Variants in MTHFD2L observed in about 807,000 individuals in gnomAD.
The protein encoded by MTHFD2L is methylenetetrahydrofolate dehydrogenase (NADP+ dependent) 2 like, also known as bifunctional methylenetetrahydrofolate dehydrogenase/cyclohydrolase 2, mitochondrial.
Under a neutral mutation model 34.9 loss-of-function variants are expected in MTHFD2L, and 29 were observed. That is an observed-to-expected ratio of 0.83 (90% CI 0.62 to 1.13). The LOEUF is 1.13. Among genes scored for constraint, MTHFD2L ranks in the 50% most tolerant of loss-of-function variants. The pLI, the probability that MTHFD2L is intolerant of heterozygous loss-of-function variation, is 0.00. For missense variants in MTHFD2L, 481 were observed against 446.5 expected, an observed-to-expected ratio of 1.08 and a Z score of -0.70; for synonymous variants, 167 against 155.7, an observed-to-expected ratio of 1.07 and a Z score of -0.54.
intron 3 of MTHFD2L, among the ~76,000 whole-genome samples, chr4:74,179,823 G>C (rs1729778338): frequency 6.6e-6 from 1 of 151,968 alleles, no homozygotes. Flanking sequence ...CCACTGATTG[G>C]ACTTCTGCAT....
At chr4:74,258,530 G>A (rs1409757693) in intron 6 of MTHFD2L, among the ~76,000 whole-genome samples, 1 of 151,886 alleles carries the variant, frequency 6.6e-6, no homozygotes, top group Non-Finnish European at 1.5e-5. Context: ...AACCAACAAG[G>A]GCTGACTTTA....
intron 5 of MTHFD2L, among the ~76,000 whole-genome samples, chr4:74,213,106 G>T (rs113849018): frequency 0.052 from 7,878 of 151,870 alleles, 442 homozygotes; most frequent in African/African-American, 0.14. Context: ...ACGTGAGATG[G>T]GTCTCCTGAA....
intron 1 of MTHFD2L, among the ~76,000 whole-genome samples, chr4:74,135,239 G>C (rs2109816953): frequency 6.6e-6 from 1 of 151,940 alleles, no homozygotes; most frequent in Middle Eastern, 3.4e-3. Flanking sequence ...GCATATAAAG[G>C]AGCTCCAAAT....
At chr4:74,143,356 T>G in intron 1 of MTHFD2L, 2 of 957,504 alleles carry the variant, frequency 2.1e-6, no homozygotes, top group Non-Finnish European at 2.5e-6. Context: ...ATATACTCTT[T>G]GAGAAAAATA....
chr4:74,267,382 T>C, intron 6 of MTHFD2L: 1 of 403,586 alleles, frequency 2.5e-6, no homozygotes, highest in South Asian at 1.1e-4. Context: ...TTTCTTTCTT[T>C]CTTTCTTTCT....
At chr4:74,127,859 C>T (rs889771039) in intron 1 of MTHFD2L, among the ~76,000 whole-genome samples, 4 of 152,108 alleles carry the variant, frequency 2.6e-5, no homozygotes, top group Non-Finnish European at 4.4e-5. Context: ...ATTTACTTTC[C>T]CACCAACATG....
chr4:74,125,608 T>C (rs1190994316), intron 1 of MTHFD2L: 2 of 152,156 alleles, frequency 1.3e-5, no homozygotes, highest in Non-Finnish European at 2.9e-5. Context: ...GTTTAAGAGT[T>C]TTACCTAATG....
intron 1 of MTHFD2L, among the ~76,000 whole-genome samples, chr4:74,173,509 C>CGGGGCCATGCCT (rs1322807231): frequency 4.6e-5 from 7 of 152,122 alleles, no homozygotes; most frequent in African/African-American, 1.7e-4. Context: ...AGCTGTTGTC[C>CGGGGCCATGCCT]GGGGCCATGC....
intron 7 of MTHFD2L, among the ~76,000 whole-genome samples, chr4:74,282,051 A>C (rs1560558595): frequency 6.6e-6 from 1 of 152,112 alleles, no homozygotes; most frequent in Non-Finnish European, 1.5e-5. Context: ...TTTAGAGAGA[A>C]TAAAGAAAAG....
chr4:74,207,984 C>G (rs916736017), intron 5 of MTHFD2L, among the ~76,000 whole-genome samples: 90 of 152,052 alleles, frequency 5.9e-4, no homozygotes, highest in African/African-American at 2.1e-3. Flanking sequence ...GATCACACCA[C>G]TGAGACTGAC....
At chr4:74,138,391 G>A (rs1051696518) in intron 1 of MTHFD2L, among the ~76,000 whole-genome samples, 3 of 152,218 alleles carry the variant, frequency 2.0e-5, no homozygotes, top group Admixed American at 6.5e-5. Flanking sequence ...CAAACCTTTT[G>A]TCCTCTGACC....
chr4:74,249,824 C>CT (rs1403248970), intron 6 of MTHFD2L, among the ~76,000 whole-genome samples: 1 of 152,176 alleles, frequency 6.6e-6, no homozygotes, highest in East Asian at 1.9e-4. Context: ...TCTCTTCTGG[C>CT]TCGTAGAGTT....
At chr4:74,242,117 T>G (rs1039406656) in intron 6 of MTHFD2L, 1 of 152,172 alleles carries the variant, frequency 6.6e-6, no homozygotes, top group Admixed American at 6.6e-5. Context: ...TTGTATAGTA[T>G]CTTGTATTAT....
chr4:74,287,496 C>CA (rs1356468470), intron 7 of MTHFD2L, among the ~76,000 whole-genome samples: 2 of 152,170 alleles, frequency 1.3e-5, no homozygotes, highest in Non-Finnish European at 2.9e-5. Context: ...CCTGTAATCC[C>CA]AGCATGTTGG....
At chr4:74,235,692 G>A (rs1039267699) in intron 6 of MTHFD2L, among the ~76,000 whole-genome samples, 7 of 152,048 alleles carry the variant, frequency 4.6e-5, no homozygotes, top group African/African-American at 1.7e-4. Flanking sequence ...TGGTTGATAT[G>A]GTTACTTCTA....
intron 6 of MTHFD2L, among the ~76,000 whole-genome samples, chr4:74,250,146 A>G (rs917006204): frequency 1.3e-5 from 2 of 152,160 alleles, no homozygotes; most frequent in African/African-American, 4.8e-5. Context: ...CTTTTCACGT[A>G]GTCCCATATT....
intron 7 of MTHFD2L, among the ~76,000 whole-genome samples, chr4:74,285,192 G>A (rs1748010529): frequency 6.6e-6 from 1 of 151,920 alleles, no homozygotes; most frequent in Non-Finnish European, 1.5e-5. Flanking sequence ...GCCTGTTGTG[G>A]GGTGAGGGGG....
chr4:74,264,963 G>A lies in MTHFD2L; in HGVS notation c.806-16462G>A, dbSNP rs187788172. Among the ~76,000 whole-genome samples, 94 of 152,138 alleles carry A rather than the reference G, an allele frequency of 6.2e-4. 1 individual carries two copies. Among genetic ancestry groups the A allele is most frequent in the Non-Finnish European group, 9.0e-4 (61 of 67,996 alleles). Reference sequence around the variant, plus strand: ...CATGTGGAGATATTAAGATCTATTGGAAAACAAATTCACTGTACATGTGTA... The same window carrying A: ...CATGTGGAGATATTAAGATCTATTGAAAAACAAATTCACTGTACATGTGTA... On this transcript the variant is annotated intron_variant, in intron 6 of 7. Coordinates refer to ENST00000325278, the MANE Select transcript of MTHFD2L (RefSeq NM_001144978.3).
upstream of MTHFD2L, among the ~76,000 whole-genome samples, chr4:74,153,869 A>C (rs760039564): frequency 6.6e-6 from 1 of 152,190 alleles, no homozygotes; most frequent in African/African-American, 2.4e-5. Context: ...ATCTTACATT[A>C]TATGATAAAA....
Sources: allele counts gnomAD v4.1 joint callset (sites outside exome capture counted in the v4.1 genomes callset), GRCh38; gene constraint gnomAD v4.1.1; transcripts MANE v1.5; gene names NCBI Gene and HGNC (gene_info 2026-07-23, HGNC 2026-07-21).